Variants in PSMA1 observed in about 807,000 individuals in gnomAD.
PSMA1 encodes the protein proteasome subunit alpha type-1.
In PSMA1, 3 loss-of-function variants were observed where a neutral mutation model predicts 38.4. The ratio of observed to expected loss-of-function variants is 0.08; its 90% CI spans 0.04 to 0.20. PSMA1 has a LOEUF of 0.20. PSMA1 is among the 10% of genes least tolerant of loss of function. The pLI, the probability that PSMA1 is intolerant of heterozygous loss-of-function variation, is 1.00. For synonymous variants in PSMA1, 101 were observed against 107.1 expected (o/e 0.94, Z 0.35); for missense variants, 227 against 325.3 (o/e 0.70, Z 2.32).
chr11:14,549,246 C>T (rs967604793), intron 2 of PSMA1, among the ~76,000 whole-genome samples: 2 of 152,110 alleles, frequency 1.3e-5, no homozygotes, highest in African/African-American at 4.8e-5. Context: ...GATTAACCTC[C>T]TTTGCTCAAT....
chr11:14,549,569 C>T (rs779485474), intron 2 of PSMA1, among the ~76,000 whole-genome samples: 17 of 151,898 alleles, frequency 1.1e-4, no homozygotes, highest in South Asian at 2.1e-4. Flanking sequence ...GGCATGGTGG[C>T]GGGCCCCTGT....
intron 1 of PSMA1, among the ~76,000 whole-genome samples, chr11:14,640,490 T>C (rs989693135): frequency 1.3e-5 from 2 of 152,210 alleles, no homozygotes; most frequent in African/African-American, 4.8e-5. Flanking sequence ...GAAGGACCTG[T>C]TATAGTTTTA....
chr11:14,642,822 C>A (rs1299457147), intron 1 of PSMA1, among the ~76,000 whole-genome samples: 1 of 152,158 alleles, frequency 6.6e-6, no homozygotes, highest in Non-Finnish European at 1.5e-5. Context: ...TTCACCAGTA[C>A]TTCACAGATA....
At chr11:14,618,313 G>A (rs1172061613) in intron 1 of PSMA1, among the ~76,000 whole-genome samples, 5 of 152,084 alleles carry the variant, frequency 3.3e-5, no homozygotes, top group Non-Finnish European at 5.9e-5. Flanking sequence ...TGTGAACTTT[G>A]GCTACCACTA....
At chr11:14,605,569 T>C (rs1322556481) in intron 2 of PSMA1, among the ~76,000 whole-genome samples, 2 of 152,102 alleles carry the variant, frequency 1.3e-5, no homozygotes, top group Non-Finnish European at 2.9e-5. Flanking sequence ...TTATTTTTTA[T>C]AGAGACGGGG....
At chr11:14,612,774 G>A (rs571621964) in intron 1 of PSMA1, among the ~76,000 whole-genome samples, 1 of 152,186 alleles carries the variant, frequency 6.6e-6, no homozygotes, top group Non-Finnish European at 1.5e-5. Flanking sequence ...TGTTTACCCA[G>A]AGATCATATG....
At chr11:14,578,608 G>GTAT (rs780267345) in intron 2 of PSMA1, among the ~76,000 whole-genome samples, 1 of 152,168 alleles carries the variant, frequency 6.6e-6, no homozygotes, top group Non-Finnish European at 1.5e-5. Flanking sequence ...AGTAAAGAAG[G>GTAT]TATTCTTGGC....
At chr11:14,551,424 T>C (rs1851883810) in intron 2 of PSMA1, among the ~76,000 whole-genome samples, 1 of 152,054 alleles carries the variant, frequency 6.6e-6, no homozygotes, top group African/African-American at 2.4e-5. Flanking sequence ...AATTGGCCTG[T>C]TATTTGATGG....
At chr11:14,584,599 A>T (rs1852321969) in intron 2 of PSMA1, among the ~76,000 whole-genome samples, 1 of 151,744 alleles carries the variant, frequency 6.6e-6, no homozygotes, top group South Asian at 2.1e-4. Context: ...GCTCTCAACA[A>T]GAATGAGCTT....
At chr11:14,630,170 T>G (rs1405174510) in intron 1 of PSMA1, among the ~76,000 whole-genome samples, 1 of 152,132 alleles carries the variant, frequency 6.6e-6, no homozygotes, top group Non-Finnish European at 1.5e-5. Flanking sequence ...TTCTCCTGCC[T>G]AATTGCCCTG....
chr11:14,508,561 C>CAAAAAAAAAAAAAAAAAAAA (rs60499933), intron 8 of PSMA1, among the ~76,000 whole-genome samples: 2,327 of 47,100 alleles, frequency 0.049, 644 homozygotes, highest in Admixed American at 0.075. Flanking sequence ...CACTCCATCT[C>CAAAAAAAAAAAAAAAAAAAA]AAAAAAAAAA....
intron 5 of PSMA1, 50 bp downstream of exon 5, chr11:14,514,353 T>C (rs1851393046): frequency 6.5e-7 from 1 of 1,542,314 alleles, no homozygotes; most frequent in African/African-American, 1.4e-5. Context: ...AACACAAGTA[T>C]CAAAACCCTT....
intron 1 of PSMA1, among the ~76,000 whole-genome samples, chr11:14,615,069 T>C (rs954372783): frequency 6.6e-6 from 1 of 152,214 alleles, no homozygotes; most frequent in Non-Finnish European, 1.5e-5. Flanking sequence ...ATGGGATTGC[T>C]TGTCTGAATA....
chr11:14,559,137 C>T (rs187917107), intron 2 of PSMA1, among the ~76,000 whole-genome samples: 1 of 152,188 alleles, frequency 6.6e-6, no homozygotes, highest in Non-Finnish European at 1.5e-5. Flanking sequence ...AAGAAATTTG[C>T]TGAAGGAAGG....
chr11:14,634,063 G>A (rs999102499), intron 1 of PSMA1, among the ~76,000 whole-genome samples: 1 of 152,110 alleles, frequency 6.6e-6, no homozygotes, highest in African/African-American at 2.4e-5. Flanking sequence ...AGATGAACCT[G>A]GTACCTCAGA....
intron 2 of PSMA1, among the ~76,000 whole-genome samples, chr11:14,536,522 G>A (rs559458951): frequency 1.3e-5 from 2 of 151,830 alleles, no homozygotes; most frequent in South Asian, 4.2e-4. Context: ...GCGAGACTCC[G>A]ACTCCAAAAA....
intron 1 of PSMA1, among the ~76,000 whole-genome samples, chr11:14,635,894 A>G (rs573425499): frequency 6.6e-6 from 1 of 152,346 alleles, no homozygotes; most frequent in Admixed American, 6.5e-5. Flanking sequence ...TTTGTAGGAT[A>G]GCACTATGAA....
At chr11:14,538,821 C>T (rs138617814) in intron 2 of PSMA1, among the ~76,000 whole-genome samples, 19 of 152,340 alleles carry the variant, frequency 1.2e-4, no homozygotes, top group African/African-American at 4.3e-4. Context: ...TCTGCCTTTC[C>T]AGAGCATTTG....
intron 2 of PSMA1, among the ~76,000 whole-genome samples, chr11:14,549,896 G>A (rs1011629175): frequency 6.6e-6 from 1 of 152,170 alleles, no homozygotes; most frequent in African/African-American, 2.4e-5. Flanking sequence ...GATGGGGTCA[G>A]TAGGTAATAT....
Sources: gnomAD v4.1 joint callset for allele counts (sites outside exome capture counted in the v4.1 genomes callset) on GRCh38, gnomAD v4.1.1 for gene constraint, MANE v1.5 for transcripts, NCBI Gene and HGNC (gene_info 2026-07-23, HGNC 2026-07-21) for gene names.